The following GK variants were observed in gnomAD, a reference collection of about 807,000 sequenced individuals.
GK encodes ATP:glycerol 3-phosphotransferase.
GK carries 9 observed loss-of-function variants against 56.4 expected under a neutral mutation model. The ratio of observed to expected loss-of-function variants is 0.16; its 90% CI spans 0.10 to 0.28. The LOEUF is 0.28. GK is among the 10% of genes least tolerant of loss of function. The pLI is 1.00. For missense variants in GK, 161 were observed against 431.4 expected, an observed-to-expected ratio of 0.37 and a Z score of 5.55; for synonymous variants, 104 against 144.1, an observed-to-expected ratio of 0.72 and a Z score of 1.99.
rs1305137821 is a variant in GK at position 30,696,169 on chromosome X, C to G, written c.662+18C>G. On this transcript the variant is annotated intron_variant, in intron 7 of 20. Transcript: ENST00000427190. ...CTCTGCGAGTAAGTTCTGTTTTGCTCTAAATATAGTTTTCCCAATACACTA... is the reference window on the plus strand; with the variant it reads ...CTCTGCGAGTAAGTTCTGTTTTGCTGTAAATATAGTTTTCCCAATACACTA... 1.1e-6 allele frequency: 1 copy of G among 897,128 alleles called. No homozygotes were observed. The highest frequency in any genetic ancestry group is 1.6e-6 in the Non-Finnish European group (1 of 611,690). The allele number at this position is 897,128 out of a possible 1,213,427, so 73.9% of individuals were successfully genotyped here. A position where few individuals can be genotyped will look rare whatever the true frequency, so the allele number is the denominator to read the frequency against.
At chrX:30,659,685 A>G (rs1384597323) in intron 1 of GK, among the ~76,000 whole-genome samples, 1 of 112,487 alleles carries the variant, frequency 8.9e-6, no homozygotes, top group African/African-American at 3.2e-5. Context: ...AGAGCATTTC[A>G]GCTCCCCAGA....
chrX:30,666,654 T>C (rs5972204), intron 2 of GK, among the ~76,000 whole-genome samples: 23,558 of 111,326 alleles, frequency 0.21, 1,955 homozygotes, highest in Admixed American at 0.28. Context: ...AAAATTGATG[T>C]GTTTCTAAAT....
At chrX:30,708,190 A>G in intron 13 of GK, 56 bp downstream of exon 13, 1 of 650,067 alleles carries the variant, frequency 1.5e-6, no homozygotes, top group Non-Finnish European at 2.5e-6. Context: ...GCTAATAAAA[A>G]TTACAGTGTT....
intron 3 of GK, among the ~76,000 whole-genome samples, chrX:30,674,063 G>A (rs1933718682): frequency 8.9e-6 from 1 of 111,974 alleles, no homozygotes; most frequent in South Asian, 3.7e-4. Context: ...GGCAGCAGCA[G>A]TAGGTAACAT....
intron 1 of GK, among the ~76,000 whole-genome samples, chrX:30,660,039 G>A (rs900465675): frequency 2.0e-4 from 22 of 111,852 alleles, no homozygotes; most frequent in African/African-American, 6.8e-4. Context: ...GTGAGCCACC[G>A]GGCCTGGCCA....
In GK at chrX:30,731,453, T is replaced by C. The variant is rs1937328287; in HGVS notation, c.*2711T>C. ...TAATAAGTTCACACAATAAACAAAT[T>C]AGTAGAAAACTGAGTGAATTTGTAA... On this transcript the variant is annotated 3_prime_UTR_variant, in exon 21 of 21. Transcript: ENST00000427190. 8.9e-6 allele frequency: 1 copy of C among 112,193 alleles called. No individual in the cohort carries two copies. The highest frequency in any genetic ancestry group is 1.9e-5 in the Non-Finnish European group (1 of 53,248). The allele number at this position is 112,193 out of a possible 1,213,427, so 9.2% of individuals were successfully genotyped here. A position where few individuals can be genotyped will look rare whatever the true frequency, so the allele number is the denominator to read the frequency against.
chrX:30,712,944 C>G (rs1424601756), intron 13 of GK, among the ~76,000 whole-genome samples: 2 of 110,074 alleles, frequency 1.8e-5, no homozygotes, highest in Non-Finnish European at 3.8e-5. Context: ...CCGTGTTAGC[C>G]AGGATGGTCT....
chrX:30,721,417 G>A (rs1055414154), intron 18 of GK, among the ~76,000 whole-genome samples: 1 of 106,604 alleles, frequency 9.4e-6, no homozygotes, highest in East Asian at 2.9e-4. Context: ...TCAGCCTCCC[G>A]AGTAGCTGGG....
rs1352103261 is a variant in GK at position 30,664,136 on chromosome X, AT to A, written c.79-1371del. On this transcript the variant is annotated intron_variant, in intron 1 of 20. Coordinates refer to ENST00000427190, the MANE Select transcript of GK (RefSeq NM_001205019.2). ...ATATATTTTATATAGATCTATATAT[AT>A]TTTATAGATATATATTTTATATAGA... Among the ~76,000 whole-genome samples the A allele has an allele frequency of 1.3e-4, 11 of 85,157 alleles. No individual in the cohort carries two copies. In the South Asian group the frequency reaches 1.5e-3, roughly 12 times the overall value. 73.9% of individuals were successfully genotyped at this position (85,157 alleles called of 115,157 possible).
At chrX:30,724,070 G>C in intron 18 of GK, 31 bp from the exon 19 acceptor site, 1 of 892,311 alleles carries the variant, frequency 1.1e-6, no homozygotes, top group Admixed American at 2.2e-5. Flanking sequence ...ACTACCTTTC[G>C]TTATGTGTTT....
rs955424185 is a variant in GK at position 30,665,347 on chromosome X, T to C, written c.79-164T>C. Among the ~76,000 whole-genome samples the C allele has an allele frequency of 2.7e-5, 3 of 112,409 alleles. No individual in the cohort carries two copies. In the East Asian group the frequency reaches 8.3e-4, roughly 31 times the overall value. ...AGAAGTTATTTCTGATGCTGCCTTA[T>C]ATCTTTTATGAATCCATATGAAAAG... On this transcript the variant is annotated intron_variant, in intron 1 of 20. Coordinates refer to ENST00000427190, the MANE Select transcript of GK (RefSeq NM_001205019.2).
chrX:30,663,154 C>T lies in GK; in HGVS notation c.79-2357C>T, dbSNP rs774829051. On this transcript the variant is annotated intron_variant, in intron 1 of 20. Coordinates refer to ENST00000427190, the MANE Select transcript of GK (RefSeq NM_001205019.2). The stretch of plus-strand genomic sequence containing the variant: ...TGCTTCAGTCTCCCAAAGTGCCGGG[C>T]GTCAGCCACCGCGCCCGGCCAATAC... 3.3e-4 allele frequency among the ~76,000 whole-genome samples: 37 copies of T among 110,499 alleles called. 1 individual carries two copies. Among genetic ancestry groups the T allele is most frequent in the African/African-American group, 1.2e-3 (37 of 30,433 alleles).
intron 13 of GK, among the ~76,000 whole-genome samples, chrX:30,709,018 C>T (rs188962229): frequency 8.9e-6 from 1 of 111,822 alleles, no homozygotes; most frequent in East Asian, 2.8e-4. Flanking sequence ...TTCTCCCCAG[C>T]TCCTTTTCTA....
intron 11 of GK, among the ~76,000 whole-genome samples, chrX:30,706,271 C>T (rs1014778252): frequency 5.4e-5 from 6 of 112,020 alleles, no homozygotes; most frequent in Non-Finnish European, 9.4e-5. Flanking sequence ...GGAAAAATGT[C>T]GGAAAACAAT....
intron 3 of GK, among the ~76,000 whole-genome samples, chrX:30,673,767 G>A (rs903052763): frequency 8.9e-6 from 1 of 111,792 alleles, no homozygotes; most frequent in Non-Finnish European, 1.9e-5. Context: ...AAATGACCTG[G>A]TAAAGATAGG....
At chrX:30,698,834 C>A (rs764910332) in intron 9 of GK, among the ~76,000 whole-genome samples, 1 of 87,136 alleles carries the variant, frequency 1.1e-5, no homozygotes, top group African/African-American at 4.6e-5. Context: ...CCATTGCATG[C>A]CAGCCTGGGC....
intron 4 of GK, among the ~76,000 whole-genome samples, chrX:30,687,370 T>C (rs746695859): frequency 1.8e-5 from 2 of 111,704 alleles, no homozygotes; most frequent in Non-Finnish European, 3.8e-5. Flanking sequence ...GTTCCCTTTC[T>C]GCTCCCTGCC....
At chrX:30,712,723 T>A (rs1465160708) in intron 13 of GK, among the ~76,000 whole-genome samples, 1 of 70,168 alleles carries the variant, frequency 1.4e-5, no homozygotes, top group Admixed American at 1.4e-4. Flanking sequence ...TTTTCTTTTT[T>A]TTTTTTTTTT....
chrX:30,694,351 T>C (rs1389097642), intron 5 of GK, 49 bp from the exon 6 acceptor site: 1 of 1,149,068 alleles, frequency 8.7e-7, no homozygotes. Flanking sequence ...GGTTTTGTTT[T>C]AAACTGTTAC....
Sources: gnomAD v4.1 joint callset for allele counts (sites outside exome capture counted in the v4.1 genomes callset) on GRCh38, gnomAD v4.1.1 for gene constraint, MANE v1.5 for transcripts, NCBI Gene and HGNC (gene_info 2026-07-23, HGNC 2026-07-21) for gene names.